PDE8B: variants seen among roughly 807,000 people sequenced by gnomAD.
PDE8B encodes phosphodiesterase 8B, also known as high affinity cAMP-specific and IBMX-insensitive 3',5'-cyclic phosphodiesterase 8B.
PDE8B carries 26 observed loss-of-function variants against 101.3 expected under a neutral mutation model. The observed-to-expected ratio is 0.26, with a 90% CI of 0.19 to 0.36. The LOEUF is 0.36. Ranked by LOEUF, PDE8B falls within the 10% of genes least tolerant of loss-of-function variation. The pLI is 1.00. For synonymous variants in PDE8B, 424 were observed against 429.3 expected (o/e 0.99, Z 0.15); for missense variants, 810 against 1,163.1 (o/e 0.70, Z 4.42).
At chr5:77,169,460 A>G in the PDE8B span, among the ~76,000 whole-genome samples, 2 of 152,224 alleles carry the variant, frequency 1.3e-5, no homozygotes, top group African/African-American at 4.8e-5. Context: ...TCCAAGTTCC[A>G]AGTGACACTG....
the PDE8B span, among the ~76,000 whole-genome samples, chr5:77,180,794 C>T: frequency 6.6e-6 from 1 of 152,184 alleles, no homozygotes; most frequent in South Asian, 2.1e-4. Flanking sequence ...GGAGCTGGAC[C>T]TGTTTCTCCG....
intron 13 of PDE8B, 79 bp downstream of exon 13, chr5:77,407,536 C>A: frequency 1.0e-6 from 1 of 991,798 alleles, no homozygotes; most frequent in Non-Finnish European, 1.6e-6. Flanking sequence ...ATCACACTGA[C>A]ATCATGGAGC....
rs532958236 is a variant in PDE8B at position 77,413,372 on chromosome 5, A to C, written c.1911+63A>C. On this transcript the variant is annotated intron_variant, in intron 17 of 21. Transcript: ENST00000264917. The stretch of plus-strand genomic sequence containing the variant: ...ATTGGAGATCCAAGAACTTAATCTT[A>C]GTAAATACATTAGGCAAACAGCTAT... The C allele has an allele frequency of 1.9e-5, 27 of 1,417,380 alleles. No individual in the cohort carries two copies. The African/African-American group carries it at 3.7e-4, about 19-fold the overall frequency. The allele number at this position is 1,417,380 out of a possible 1,614,324, so 87.8% of individuals were successfully genotyped here.
chr5:77,294,975 G>A (rs968530400), intron 1 of PDE8B, among the ~76,000 whole-genome samples: 9 of 151,456 alleles, frequency 5.9e-5, no homozygotes, highest in African/African-American at 1.7e-4. Context: ...ACCAAACCCC[G>A]TTGTGTACTG....
intron 20 of PDE8B, among the ~76,000 whole-genome samples, chr5:77,424,179 A>T (rs1312802795): frequency 6.6e-6 from 1 of 152,198 alleles, no homozygotes; most frequent in Admixed American, 6.5e-5. Context: ...GAAATGAGCA[A>T]GCCAAGCCAA....
At position 77,391,620 on chromosome 5, in the gene PDE8B, G is replaced by A. The variant is rs372638096; in HGVS notation, c.1168-8628G>A. On this transcript the variant is annotated intron_variant, in intron 10 of 21. Coordinates refer to ENST00000264917, the MANE Select transcript of PDE8B (RefSeq NM_003719.5). ...GCTGGCATACATTTCCATCCCCAAA[G>A]CAGGATGTGCATGTGCACCTGCTGG... 3.9e-5 allele frequency among the ~76,000 whole-genome samples: 6 copies of A among 152,166 alleles called. No individual in the cohort carries two copies. The East Asian group carries it at 5.8e-4, about 15-fold the overall frequency.
At chr5:77,100,495 C>T in the PDE8B span, 1 of 152,248 alleles carries the variant, frequency 6.6e-6, no homozygotes, top group Non-Finnish European at 1.5e-5. Context: ...AACAGTGGTA[C>T]AGGCCTTCTT....
the PDE8B span, among the ~76,000 whole-genome samples, chr5:77,123,521 G>C: frequency 1.3e-5 from 2 of 152,114 alleles, no homozygotes; most frequent in African/African-American, 2.4e-5. Flanking sequence ...ACTTTGGGAG[G>C]CTGAGGTGGG....
intron 1 of PDE8B, among the ~76,000 whole-genome samples, chr5:77,300,374 G>A (rs991859778): frequency 3.3e-5 from 5 of 152,136 alleles, no homozygotes; most frequent in African/African-American, 1.2e-4. Flanking sequence ...CCTTTGCTGT[G>A]CTTTGGGCAT....
intron 1 of PDE8B, among the ~76,000 whole-genome samples, chr5:77,227,539 T>C (rs963466443): frequency 6.6e-6 from 1 of 152,056 alleles, no homozygotes; most frequent in African/African-American, 2.4e-5. Flanking sequence ...ATTAGATTCA[T>C]AGCAAAATTT....
At chr5:77,234,064 TC>T (rs917935724) in intron 1 of PDE8B, among the ~76,000 whole-genome samples, 2 of 152,118 alleles carry the variant, frequency 1.3e-5, no homozygotes, top group African/African-American at 4.8e-5. Context: ...TTGCAACCTG[TC>T]CAGAGCAGTT....
At chr5:77,183,032 C>T in the PDE8B span, among the ~76,000 whole-genome samples, 2 of 151,568 alleles carry the variant, frequency 1.3e-5, no homozygotes, top group Non-Finnish European at 2.9e-5. Flanking sequence ...AGTACTTAGG[C>T]GCTAGGCATT....
chr5:77,385,625 C>T (rs951744317), intron 10 of PDE8B, among the ~76,000 whole-genome samples: 23 of 151,886 alleles, frequency 1.5e-4, no homozygotes, highest in Non-Finnish European at 3.1e-4. Flanking sequence ...TATAAATTTC[C>T]CTCAAACACT....
the PDE8B span, among the ~76,000 whole-genome samples, chr5:77,188,259 A>G: frequency 6.6e-6 from 1 of 152,216 alleles, no homozygotes; most frequent in African/African-American, 2.4e-5. Flanking sequence ...GAATGATATT[A>G]GGAAGGTTGA....
At chr5:77,407,225 A>G (rs1793649028) in intron 12 of PDE8B, among the ~76,000 whole-genome samples, 156 bp from the exon 13 acceptor site, 1 of 152,172 alleles carries the variant, frequency 6.6e-6, no homozygotes, top group Non-Finnish European at 1.5e-5. Flanking sequence ...CAGTTGGGCT[A>G]CCAGCCTTGG....
At chr5:77,362,424 A>G (rs1581243992) in intron 10 of PDE8B, among the ~76,000 whole-genome samples, 1 of 152,344 alleles carries the variant, frequency 6.6e-6, no homozygotes, top group East Asian at 1.9e-4. Flanking sequence ...ATGGTAAGCT[A>G]TAGTAATGTG....
At chr5:77,115,885 A>G in the PDE8B span, among the ~76,000 whole-genome samples, 1 of 152,214 alleles carries the variant, frequency 6.6e-6, no homozygotes, top group African/African-American at 2.4e-5. Context: ...ATGATTCCAT[A>G]ATCTCTCATT....
At chr5:77,370,361 A>C (rs952294244) in intron 10 of PDE8B, among the ~76,000 whole-genome samples, 2 of 152,222 alleles carry the variant, frequency 1.3e-5, no homozygotes, top group African/African-American at 2.4e-5. Flanking sequence ...GATTTTATCC[A>C]CCATAGATTA....
chr5:77,181,374 TC>T, the PDE8B span, among the ~76,000 whole-genome samples: 1 of 152,100 alleles, frequency 6.6e-6, no homozygotes, highest in African/African-American at 2.4e-5. Context: ...TTGGGGGCGT[TC>T]CGCTAGGCGT....
Sources: gnomAD v4.1 joint callset for allele counts (sites outside exome capture counted in the v4.1 genomes callset) on GRCh38, gnomAD v4.1.1 for gene constraint, MANE v1.5 for transcripts, NCBI Gene and HGNC (gene_info 2026-07-23, HGNC 2026-07-21) for gene names.